MARCHF1: variants seen among roughly 807,000 people sequenced by gnomAD.
The protein encoded by MARCHF1 is E3 ubiquitin-protein ligase MARCHF1.
In MARCHF1, 40 loss-of-function variants were observed where a neutral mutation model predicts 54.2. The observed-to-expected ratio is 0.74, with a 90% CI of 0.57 to 0.96. The LOEUF (loss-of-function observed/expected upper bound fraction) is 0.96, where lower values mean the gene tolerates loss of function less well. MARCHF1 is among the 40% of genes least tolerant of loss of function. The pLI is 0.00. For synonymous variants in MARCHF1, 236 were observed against 236.3 expected (o/e 1.00, Z 0.01); for missense variants, 586 against 656.5 (o/e 0.89, Z 1.17).
chr4:163,624,243 T>C (rs1741790395), intron 5 of MARCHF1, among the ~76,000 whole-genome samples: 1 of 152,162 alleles, frequency 6.6e-6, no homozygotes, highest in South Asian at 2.1e-4. Flanking sequence ...TGAAACCCTG[T>C]GCACAAGTGT....
chr4:163,975,188 T>TCACACA (rs1227026259), intron 3 of MARCHF1, among the ~76,000 whole-genome samples: 1 of 133,882 alleles, frequency 7.5e-6, no homozygotes, highest in African/African-American at 3.4e-5. Context: ...TCTCTCTCTC[T>TCACACA]CTCTCTCTCA....
intron 1 of MARCHF1, among the ~76,000 whole-genome samples, chr4:164,268,766 C>T (rs1222329478): frequency 1.1e-4 from 17 of 152,068 alleles, no homozygotes; most frequent in Admixed American, 1.1e-3. Flanking sequence ...AAAAGAATCA[C>T]ACATTGATCT....
chr4:164,210,196 CTG>C (rs1731725108), intron 1 of MARCHF1, among the ~76,000 whole-genome samples: 1 of 152,128 alleles, frequency 6.6e-6, no homozygotes, highest in African/African-American at 2.4e-5. Context: ...GATAAGAAAA[CTG>C]TGACATTTTC....
intron 3 of MARCHF1, among the ~76,000 whole-genome samples, chr4:163,926,427 C>T (rs1342323269): frequency 6.6e-6 from 1 of 151,430 alleles, no homozygotes; most frequent in Admixed American, 6.6e-5. Context: ...CAGAACATGA[C>T]TAATATTGCT....
chr4:164,245,338 A>G (rs1732913087), intron 1 of MARCHF1, among the ~76,000 whole-genome samples: 1 of 152,212 alleles, frequency 6.6e-6, no homozygotes, highest in African/African-American at 2.4e-5. Flanking sequence ...AACAGAACCA[A>G]AGACAAAAAC....
intron 4 of MARCHF1, among the ~76,000 whole-genome samples, chr4:163,742,426 C>CCTTCCTTCCTTT (rs1561052666): frequency 7.5e-6 from 1 of 133,904 alleles, no homozygotes; most frequent in Admixed American, 8.1e-5. Flanking sequence ...TTCCTTCCTT[C>CCTTCCTTCCTTT]CTTCCTTTTC....
chr4:163,962,737 T>C (rs893612664), intron 3 of MARCHF1, among the ~76,000 whole-genome samples: 4 of 151,934 alleles, frequency 2.6e-5, no homozygotes, highest in African/African-American at 9.7e-5. Context: ...TAGTAAAAAA[T>C]AATTTTATAA....
chr4:164,314,118 A>ATG (rs1279169133), intron 1 of MARCHF1, among the ~76,000 whole-genome samples: 1 of 152,168 alleles, frequency 6.6e-6, no homozygotes, highest in African/African-American at 2.4e-5. Context: ...CCCATTCAGC[A>ATG]TGTTCTGCTG....
At chr4:164,249,438 C>A (rs1733058380) in intron 1 of MARCHF1, among the ~76,000 whole-genome samples, 5 of 151,940 alleles carry the variant, frequency 3.3e-5, no homozygotes, top group African/African-American at 1.2e-4. Flanking sequence ...TATGTGAAAT[C>A]AAAGCAGCTT....
chr4:164,228,060 A>C (rs1439408314), intron 1 of MARCHF1, among the ~76,000 whole-genome samples: 1 of 152,230 alleles, frequency 6.6e-6, no homozygotes, highest in Non-Finnish European at 1.5e-5. Flanking sequence ...TAAATTACAG[A>C]ATGTAAGCAA....
chr4:163,854,914 C>G (rs922097007), intron 3 of MARCHF1, among the ~76,000 whole-genome samples: 3 of 152,140 alleles, frequency 2.0e-5, no homozygotes, highest in South Asian at 2.1e-4. Flanking sequence ...TAAAGTTTTA[C>G]AGCCTACTTT....
At position 163,836,447 on chromosome 4, in the gene MARCHF1, A is replaced by G. The variant is rs1749186988; in HGVS notation, c.111+17574T>C. On this transcript the variant is annotated intron_variant, in intron 4 of 9. Coordinates refer to ENST00000514618, the MANE Select transcript of MARCHF1 (RefSeq NM_001394959.1). The stretch of plus-strand genomic sequence containing the variant: ...TTTTTAGTAGAGACGGGGTTTCACC[A>G]TGTTAGCCAGGATGGTCTCGATCTC... Among the ~76,000 whole-genome samples, 7 of 144,154 alleles carry G rather than the reference A, an allele frequency of 4.9e-5. No homozygotes were observed. In the South Asian group the frequency reaches 1.6e-3, roughly 33 times the overall value. 94.6% of individuals were successfully genotyped at this position (144,154 alleles called of 152,430 possible).
intron 3 of MARCHF1, among the ~76,000 whole-genome samples, chr4:163,882,299 G>T (rs778896950): frequency 2.0e-5 from 3 of 152,184 alleles, no homozygotes; most frequent in Non-Finnish European, 2.9e-5. Flanking sequence ...CCAAAGCAAA[G>T]ATGACATAGA....
At chr4:164,243,963 C>G (rs1263631809) in intron 1 of MARCHF1, among the ~76,000 whole-genome samples, 1 of 151,766 alleles carries the variant, frequency 6.6e-6, no homozygotes, top group African/African-American at 2.4e-5. Context: ...TAAAGCAAGT[C>G]TGAGTGACCT....
At chr4:163,974,349 T>C (rs1334578760) in intron 3 of MARCHF1, among the ~76,000 whole-genome samples, 1 of 152,210 alleles carries the variant, frequency 6.6e-6, no homozygotes, top group Non-Finnish European at 1.5e-5. Flanking sequence ...TATTCTGAGA[T>C]CACCATGCTG....
chr4:164,087,400 T>G (rs1348985729), intron 2 of MARCHF1, among the ~76,000 whole-genome samples: 2 of 151,946 alleles, frequency 1.3e-5, no homozygotes, highest in Admixed American at 6.6e-5. Context: ...ATTAGAAAAT[T>G]TTTTAGTCTT....
At chr4:164,171,262 A>T (rs764462804) in intron 1 of MARCHF1, among the ~76,000 whole-genome samples, 11 of 152,116 alleles carry the variant, frequency 7.2e-5, no homozygotes, top group Admixed American at 3.9e-4. Context: ...AAATTCCATC[A>T]TCATAAGTGA....
intron 8 of MARCHF1, among the ~76,000 whole-genome samples, chr4:163,577,476 T>C (rs1740077669): frequency 6.6e-6 from 1 of 152,038 alleles, no homozygotes; most frequent in South Asian, 2.1e-4. Flanking sequence ...TTATCTTTTG[T>C]ATGTAATCTG....
At chr4:164,275,420 T>A (rs1285767884) in intron 1 of MARCHF1, among the ~76,000 whole-genome samples, 2 of 152,174 alleles carry the variant, frequency 1.3e-5, no homozygotes, top group Non-Finnish European at 2.9e-5. Flanking sequence ...GCTGCACTTA[T>A]TTTTTATTCT....
Sources: allele counts gnomAD v4.1 joint callset (sites outside exome capture counted in the v4.1 genomes callset), GRCh38; gene constraint gnomAD v4.1.1; transcripts MANE v1.5; gene names NCBI Gene and HGNC (gene_info 2026-07-23, HGNC 2026-07-21).